Variants in SLC25A10 observed in about 807,000 individuals in gnomAD.
SLC25A10 encodes solute carrier family 25 member 10, also known as mitochondrial dicarboxylate carrier.
SLC25A10 carries 32 observed loss-of-function variants against 40.4 expected under a neutral mutation model. That is an observed-to-expected ratio of 0.79 (90% CI 0.60 to 1.06). SLC25A10 has a LOEUF of 1.06. Among genes scored for constraint, SLC25A10 ranks in the 50% least tolerant of loss-of-function variants. The pLI, the probability that SLC25A10 is intolerant of heterozygous loss-of-function variation, is 0.00. For synonymous variants in SLC25A10, 181 were observed against 171.1 expected (o/e 1.06, Z -0.45); for missense variants, 394 against 402.6 (o/e 0.98, Z 0.18).
intron 1 of SLC25A10, 64 bp from the exon 2 acceptor site, chr17:81,714,889 C>A (rs970596989): frequency 5.7e-6 from 9 of 1,582,090 alleles, no homozygotes; most frequent in Non-Finnish European, 7.7e-6. Flanking sequence ...TTCCCCCTCT[C>A]TGGATGAACC....
Position 81,717,083 on chromosome 17 carries a change from T to G in SLC25A10, c.534+11T>G. On this transcript the variant is annotated intron_variant, in intron 7 of 10. Coordinates refer to ENST00000350690, the MANE Select transcript of SLC25A10 (RefSeq NM_012140.5). The stretch of plus-strand genomic sequence containing the variant: ...GTCACTGTGGGCCAGGTAGGCCTCC[T>G]GCGTGGGGTGGGTGTGGGCAGTGCC... The G allele has an allele frequency of 1.2e-6, 2 of 1,613,166 alleles. No homozygotes were observed. The highest frequency in any genetic ancestry group is 1.7e-6 in the Non-Finnish European group (2 of 1,179,570).
chr17:81,716,978 T>TGGCC (rs77612496), intron 6 of SLC25A10, 24 bp from the exon 7 acceptor site: 3 of 1,613,020 alleles, frequency 1.9e-6, no homozygotes, highest in South Asian at 2.2e-5. Flanking sequence ...GCCTCACCCC[T>TGGCC]TGCCTCACCC....
Position 81,716,535 on chromosome 17 carries a change from C to G in SLC25A10, c.420-277C>G, listed in dbSNP as rs2037489120. 4 of 570,846 alleles carry G rather than the reference C, an allele frequency of 7.0e-6. No homozygotes were observed. In the South Asian group the frequency reaches 8.6e-5, roughly 12 times the overall value. 35.4% of individuals were successfully genotyped at this position (570,846 alleles called of 1,614,324 possible). A position where few individuals can be genotyped will look rare whatever the true frequency, so the allele number is the denominator to read the frequency against. ...CACACAGACTGTGTTCCCCCAGGACCCCGGGGGCTGGCGGGCAGGAGGCCT... is the reference window on the plus strand; with the variant it reads ...CACACAGACTGTGTTCCCCCAGGACGCCGGGGGCTGGCGGGCAGGAGGCCT... On this transcript the variant is annotated intron_variant, in intron 5 of 10. Coordinates refer to ENST00000350690, the MANE Select transcript of SLC25A10 (RefSeq NM_012140.5).
rs2037570437 is a variant in SLC25A10, at chr17:81,720,441, A to G, written c.*364A>G. 1.5e-6 allele frequency: 2 copies of G among 1,364,114 alleles called. No individual in the cohort carries two copies. The highest frequency in any genetic ancestry group is 7.0e-5 in the Admixed American group (2 of 28,392). 84.5% of individuals were successfully genotyped at this position (1,364,114 alleles called of 1,614,324 possible). On this transcript the variant is annotated 3_prime_UTR_variant, in exon 11 of 11. Transcript: ENST00000350690. The stretch of plus-strand genomic sequence containing the variant: ...TCCTGCCCCCGATGCCCAAAGCAGC[A>G]TCTTCCAGCACTTTCCATCGAGGAC...
intron 8 of SLC25A10, 102 bp downstream of exon 8, chr17:81,717,593 A>T: frequency 7.1e-7 from 1 of 1,418,254 alleles, no homozygotes; most frequent in Non-Finnish European, 9.9e-7. Context: ...GGCCTTGGGC[A>T]TCTGGCAGTG....
chr17:81,712,286 A>C lies in SLC25A10; in HGVS notation c.-141A>C. On this transcript the variant is annotated 5_prime_UTR_variant, in exon 1 of 11. Transcript: ENST00000350690. ...TCCCGCCCCCGGGGCGCGCGCGCGC[A>C]TTGGCTGTGCGGGGTGCGGGCGCGC... is the stretch of plus-strand genomic sequence containing the variant. The C allele has an allele frequency of 6.8e-6, 2 of 293,238 alleles. No homozygotes were observed. Among genetic ancestry groups the C allele is most frequent in the Non-Finnish European group, 1.1e-5 (2 of 189,228 alleles). 18.2% of individuals were successfully genotyped at this position (293,238 alleles called of 1,614,324 possible).
At position 81,716,063 on chromosome 17, in the gene SLC25A10, C is replaced by T. The variant is rs375617426; in HGVS notation, c.419+13C>T. 225 of 1,591,046 alleles carry T rather than the reference C, an allele frequency of 1.4e-4. No homozygotes were observed. The highest frequency in any genetic ancestry group is 1.8e-4 in the Non-Finnish European group (216 of 1,168,658). ...GTCAGCGGCGCAAGTGAGTCATGGG[C>T]GGCCTTCTCGGGGTGGTTGAGGTGC... is the stretch of plus-strand genomic sequence containing the variant. On this transcript the variant is annotated intron_variant, in intron 5 of 10. Transcript: ENST00000350690.
chr17:81,717,979 C>T, intron 9 of SLC25A10, 118 bp downstream of exon 9: 2 of 732,736 alleles, frequency 2.7e-6, no homozygotes, highest in Non-Finnish European at 2.4e-6. Context: ...CTTCTAGTTG[C>T]CTGTCTCTGC....
At chr17:81,714,576 T>C (rs2037443356) in intron 1 of SLC25A10, among the ~76,000 whole-genome samples, 1 of 152,096 alleles carries the variant, frequency 6.6e-6, no homozygotes, top group Non-Finnish European at 1.5e-5. Context: ...CGTGGTGTGG[T>C]GGATAAAAAG....
intron 1 of SLC25A10, among the ~76,000 whole-genome samples, chr17:81,713,665 C>T (rs556772292): frequency 2.0e-5 from 3 of 152,214 alleles, no homozygotes; most frequent in South Asian, 2.1e-4. Flanking sequence ...TCCTTGGCAT[C>T]GGGCTCTTCC....
At chr17:81,716,195 C>T (rs2037482965) in intron 5 of SLC25A10, 145 bp downstream of exon 5, 9 of 859,850 alleles carry the variant, frequency 1.0e-5, no homozygotes, top group Non-Finnish European at 1.6e-5. Flanking sequence ...GACGGCTGTT[C>T]TGGACTCGGG....
At chr17:81,714,151 G>T (rs77211319) in intron 1 of SLC25A10, among the ~76,000 whole-genome samples, 2 of 152,212 alleles carry the variant, frequency 1.3e-5, no homozygotes. Context: ...TTACGGGGCC[G>T]CGCACGTGCA....
At chr17:81,717,670 C>T (rs1298865058) in intron 8 of SLC25A10, 114 bp from the exon 9 acceptor site, 2 of 1,367,136 alleles carry the variant, frequency 1.5e-6, no homozygotes, top group East Asian at 2.5e-5. Flanking sequence ...GTGCCCCCGC[C>T]AGCATGTTCC....
rs757342337 is a variant in SLC25A10 at position 81,717,410 on chromosome 17, C to T, written c.546C>T (p.Tyr182=). 6.1e-5 allele frequency: 98 copies of T among 1,613,286 alleles called. No homozygotes were observed. The highest frequency in any genetic ancestry group is 1.6e-4 in the Middle Eastern group (1 of 6,084). ...ALVTVGQLSC[Y]DQAKQLVLST... is the part of the protein sequence containing the mutation. The stretch of plus-strand genomic sequence containing the variant: ...TTGTGCCCCTGCAGCTGTCCTGCTA[C>T]GACCAGGCCAAGCAGCTGGTCCTTA... The change falls in exon 8 of 11, where the codon TAC becomes TAT. Residue 182 remains tyrosine, a synonymous_variant. Transcript: ENST00000350690.
chr17:81,715,219 G>T (rs1187266719), intron 2 of SLC25A10, 147 bp downstream of exon 2: 1 of 1,277,884 alleles, frequency 7.8e-7, no homozygotes, highest in Admixed American at 2.4e-5. Flanking sequence ...CGCCTCCCAT[G>T]GGCACCCACC....
At chr17:81,717,920 T>TC (rs1164445542) in intron 9 of SLC25A10, 59 bp downstream of exon 9, 1 of 1,353,680 alleles carries the variant, frequency 7.4e-7, no homozygotes, top group Non-Finnish European at 1.0e-6. Flanking sequence ...CCCTCACCTC[T>TC]CCGGGGGGTG....
At position 81,714,937 on chromosome 17, in the gene SLC25A10, G is replaced by A. The variant is rs1183215101; in HGVS notation, c.94-16G>A. ...CTCGGGGTCGCTGTGGGGTCTGAGA[G>A]CACTCACTCCCGCAGGTGCATCTGC... On this transcript the variant is annotated splice_polypyrimidine_tract_variant and intron_variant, in intron 1 of 10. Coordinates refer to ENST00000350690, the MANE Select transcript of SLC25A10 (RefSeq NM_012140.5). 10 of 1,605,696 alleles carry A rather than the reference G, an allele frequency of 6.2e-6. No homozygotes were observed. Among genetic ancestry groups the A allele is most frequent in the Non-Finnish European group, 8.5e-6 (10 of 1,179,684 alleles).
rs375617426 is a variant in SLC25A10 at position 81,716,063 on chromosome 17, C to G, written c.419+13C>G. On this transcript the variant is annotated intron_variant, in intron 5 of 10. Coordinates refer to ENST00000350690, the MANE Select transcript of SLC25A10 (RefSeq NM_012140.5). ...GTCAGCGGCGCAAGTGAGTCATGGG[C>G]GGCCTTCTCGGGGTGGTTGAGGTGC... 6.3e-7 allele frequency: 1 copy of G among 1,591,046 alleles called. No homozygotes were observed. Among genetic ancestry groups the G allele is most frequent in the African/African-American group, 1.3e-5 (1 of 74,466 alleles).
Sources: allele counts gnomAD v4.1 joint callset (sites outside exome capture counted in the v4.1 genomes callset), GRCh38; gene constraint gnomAD v4.1.1; transcripts MANE v1.5; gene names NCBI Gene and HGNC (gene_info 2026-07-23, HGNC 2026-07-21).